IMMP2L: variants seen among roughly 807,000 people sequenced by gnomAD.
IMMP2L encodes the protein mitochondrial inner membrane protease subunit 2.
Under a neutral mutation model 19.3 loss-of-function variants are expected in IMMP2L, and 18 were observed. That is an observed-to-expected ratio of 0.93 (90% CI 0.64 to 1.38). The LOEUF is 1.38. Among genes scored for constraint, IMMP2L ranks in the 40% most tolerant of loss-of-function variants. The pLI, the probability that IMMP2L is intolerant of heterozygous loss-of-function variation, is 0.00. For synonymous variants in IMMP2L, 76 were observed against 73.0 expected, an observed-to-expected ratio of 1.04 and a Z score of -0.21; for missense variants, 233 against 218.2, an observed-to-expected ratio of 1.07 and a Z score of -0.43.
At chr7:110,921,843 A>T (rs891261486) in intron 4 of IMMP2L, among the ~76,000 whole-genome samples, 2 of 152,206 alleles carry the variant, frequency 1.3e-5, no homozygotes, top group Non-Finnish European at 2.9e-5. Context: ...CTCTCCTAGA[A>T]GTTAACAGTA....
chr7:110,841,619 G>T (rs990472280), intron 5 of IMMP2L, among the ~76,000 whole-genome samples: 7 of 151,962 alleles, frequency 4.6e-5, no homozygotes, highest in African/African-American at 1.4e-4. Flanking sequence ...CTGCATTTCA[G>T]ATCAAATTTT....
In IMMP2L at chr7:110,944,661, C is replaced by T. The variant is rs1393895232; in HGVS notation, c.305+18839G>A. Among the ~76,000 whole-genome samples, 8 of 151,866 alleles carry T rather than the reference C, an allele frequency of 5.3e-5. No homozygotes were observed. The East Asian group carries it at 1.6e-3, about 29-fold the overall frequency. ...ACTAGTTAGTTACCAGTTTAGATTA[C>T]AAAGAAAGTGGAAGTGGACTCTTAG... On this transcript the variant is annotated intron_variant, in intron 4 of 5. Transcript: ENST00000405709.
In IMMP2L at chr7:111,210,707, A is replaced by C. The variant is rs186224625; in HGVS notation, c.240-247142T>G. 4.3e-3 allele frequency among the ~76,000 whole-genome samples: 654 copies of C among 150,886 alleles called. 5 individuals are homozygous for C. Among genetic ancestry groups the C allele is most frequent in the African/African-American group, 0.016 (633 of 40,450 alleles). ...AGACTGCCCTGAAGGGAAGGTATTC[A>C]AAAAAAACAAAAACTGCTCTTAATA... On this transcript the variant is annotated intron_variant, in intron 3 of 5. Transcript: ENST00000405709.
At chr7:110,736,549 T>A (rs1050643475) in intron 5 of IMMP2L, among the ~76,000 whole-genome samples, 1 of 152,142 alleles carries the variant, frequency 6.6e-6, no homozygotes, top group Admixed American at 6.5e-5. Context: ...GCAGGACTGT[T>A]CTGAGCTTTG....
chr7:111,326,349 A>G (rs1825315473), intron 3 of IMMP2L, among the ~76,000 whole-genome samples: 1 of 151,808 alleles, frequency 6.6e-6, no homozygotes. Context: ...GATCAATACC[A>G]AAGATTATAA....
At chr7:110,948,523 A>G (rs1327341339) in intron 4 of IMMP2L, among the ~76,000 whole-genome samples, 1 of 152,232 alleles carries the variant, frequency 6.6e-6, no homozygotes, top group Admixed American at 6.5e-5. Flanking sequence ...GAAGCTATAA[A>G]TAACATGGAA....
chr7:111,370,075 C>T (rs1181536271), intron 3 of IMMP2L, among the ~76,000 whole-genome samples: 1 of 151,944 alleles, frequency 6.6e-6, no homozygotes, highest in Non-Finnish European at 1.5e-5. Flanking sequence ...ATCAAAAACT[C>T]TTATCCAGAC....
chr7:111,107,119 C>A (rs190755876), intron 3 of IMMP2L, among the ~76,000 whole-genome samples: 80 of 152,036 alleles, frequency 5.3e-4, no homozygotes, highest in Admixed American at 3.4e-3. Context: ...ATCTCTCTCA[C>A]TAGAATGTGA....
At chr7:110,888,978 AAT>A (rs1467401764) in intron 4 of IMMP2L, among the ~76,000 whole-genome samples, 1 of 152,212 alleles carries the variant, frequency 6.6e-6, no homozygotes, top group Non-Finnish European at 1.5e-5. Context: ...ATAAAGGCAG[AAT>A]AATAGAGTGG....
At chr7:111,250,061 C>T (rs1220671701) in intron 3 of IMMP2L, among the ~76,000 whole-genome samples, 3 of 152,174 alleles carry the variant, frequency 2.0e-5, no homozygotes, top group Non-Finnish European at 4.4e-5. Context: ...AGCAAAGTCT[C>T]AGGATACAAA....
At chr7:111,470,755 T>C (rs1190524212) in intron 3 of IMMP2L, among the ~76,000 whole-genome samples, 1 of 146,318 alleles carries the variant, frequency 6.8e-6, no homozygotes, top group Non-Finnish European at 1.5e-5. Flanking sequence ...GGGATAGCAT[T>C]AGGAGATATA....
At chr7:111,044,493 AGAGATTGCAGTGAGCC>A (rs1336249718) in intron 3 of IMMP2L, among the ~76,000 whole-genome samples, 1 of 152,168 alleles carries the variant, frequency 6.6e-6, no homozygotes, top group African/African-American at 2.4e-5. Context: ...CCCAGGAGGC[AGAGATTGCAGTGAGCC>A]GAGATTGCAC....
intron 1 of IMMP2L, among the ~76,000 whole-genome samples, chr7:111,536,077 G>GA (rs1847862030): frequency 6.6e-6 from 1 of 151,866 alleles, no homozygotes; most frequent in Admixed American, 6.6e-5. Flanking sequence ...GGCTAAATAT[G>GA]AAAAAAATTT....
intron 3 of IMMP2L, among the ~76,000 whole-genome samples, chr7:110,972,412 T>C (rs1299469102): frequency 1.3e-5 from 2 of 152,144 alleles, no homozygotes; most frequent in East Asian, 3.9e-4. Flanking sequence ...AAATATCTCC[T>C]ATTCTTAATG....
chr7:110,880,659 A>T (rs1695165768), intron 5 of IMMP2L, among the ~76,000 whole-genome samples: 1 of 152,060 alleles, frequency 6.6e-6, no homozygotes, highest in South Asian at 2.1e-4. Flanking sequence ...ATTACATCTT[A>T]CAAGTAAAAT....
chr7:110,889,068 T>G (rs1810515049), intron 4 of IMMP2L, among the ~76,000 whole-genome samples: 1 of 152,240 alleles, frequency 6.6e-6, no homozygotes, highest in Non-Finnish European at 1.5e-5. Context: ...TTTTGCAAGT[T>G]ACTTAGAGTT....
At chr7:111,221,620 C>G (rs928558555) in intron 3 of IMMP2L, among the ~76,000 whole-genome samples, 3 of 151,796 alleles carry the variant, frequency 2.0e-5, no homozygotes, top group Non-Finnish European at 2.9e-5. Flanking sequence ...ATTATAAAAC[C>G]TTAGCTCTAT....
At chr7:111,267,522 A>G (rs1161100771) in intron 3 of IMMP2L, among the ~76,000 whole-genome samples, 1 of 152,076 alleles carries the variant, frequency 6.6e-6, no homozygotes, top group Non-Finnish European at 1.5e-5. Context: ...GATTATAAAC[A>G]TGGCCTCAAA....
At chr7:110,818,820 T>G (rs1802769730) in intron 5 of IMMP2L, among the ~76,000 whole-genome samples, 1 of 151,742 alleles carries the variant, frequency 6.6e-6, no homozygotes, top group Non-Finnish European at 1.5e-5. Context: ...GGGACATGGA[T>G]GAAGGTGGAA....
Sources: allele counts gnomAD v4.1 joint callset (sites outside exome capture counted in the v4.1 genomes callset), GRCh38; gene constraint gnomAD v4.1.1; transcripts MANE v1.5; gene names NCBI Gene and HGNC (gene_info 2026-07-23, HGNC 2026-07-21).